Variants in MIDEAS observed in about 807,000 individuals in gnomAD.
MIDEAS encodes mitotic deacetylase-associated SANT domain protein.
In MIDEAS, 26 loss-of-function variants were observed where a neutral mutation model predicts 102.7. That is an observed-to-expected ratio of 0.25 (90% confidence interval 0.19 to 0.35). The LOEUF is 0.35. MIDEAS is among the 10% of genes least tolerant of loss of function. MIDEAS has a pLI of 1.00. For synonymous variants in MIDEAS, 585 were observed against 591.0 expected (o/e 0.99, Z 0.15); for missense variants, 1,231 against 1,435.6 (o/e 0.86, Z 2.30).
chr14:73,786,631 C>T (rs2053812237), intron 1 of MIDEAS, among the ~76,000 whole-genome samples: 1 of 152,350 alleles, frequency 6.6e-6, no homozygotes, highest in African/African-American at 2.4e-5. Context: ...CTCTTCGTCC[C>T]AGGAAGGCCA....
upstream of MIDEAS, among the ~76,000 whole-genome samples, chr14:73,764,339 C>CAAAAAA (rs5809629): frequency 1.4e-4 from 12 of 88,220 alleles, no homozygotes; most frequent in Non-Finnish European, 1.8e-4. Flanking sequence ...GACCCTGTCT[C>CAAAAAA]AAAAAAAAAA....
Position 73,739,074 on chromosome 14 carries a change from G to A in MIDEAS, c.935C>T (p.Pro312Leu), listed in dbSNP as rs1375038240. 6 of 1,577,326 alleles carry A rather than the reference G, an allele frequency of 3.8e-6. No individual in the cohort carries two copies. Among genetic ancestry groups the A allele is most frequent in the Non-Finnish European group, 5.2e-6 (6 of 1,158,714 alleles). Reference protein sequence around the residue: ...AHHSMAPYPFPPNPDMNPELR... With the variant: ...AHHSMAPYPFLPNPDMNPELR... ...TTCTGGGTTCATATCTGGGTTGGGG[G>A]GGAAGGGGTAGGGTGCCATGCTGTG... The change falls in exon 2 of 13, where the codon CCC becomes CTC. Residue 312 changes from proline (P) to leucine (L), a missense_variant. Pro to Leu is a moderately conservative substitution (Grantham distance 98). Coordinates refer to ENST00000423556, the MANE Select transcript of MIDEAS (RefSeq NM_001367710.1).
At position 73,722,737 on chromosome 14, in the gene MIDEAS, A is replaced by G. The variant is rs748613792; in HGVS notation, c.2685T>C (p.Asp895=). The G allele has an allele frequency of 1.2e-6, 2 of 1,614,162 alleles. No homozygotes were observed. Among genetic ancestry groups the G allele is most frequent in the Non-Finnish European group, 1.7e-6 (2 of 1,180,008 alleles). Residue 895 remains aspartate, a synonymous_variant, in exon 10 of 13, where the codon GAT becomes GAC. Coordinates refer to ENST00000423556, the MANE Select transcript of MIDEAS (RefSeq NM_001367710.1). ...CAACCTCTTCCTGGGCCGACTTCTC[A>G]TCGCTCGTATCCACATCCCCAAAGG... ...TLTFGDVDTS[D]EKSAQEEVEV...
intron 7 of MIDEAS, 56 bp from the exon 8 acceptor site, chr14:73,726,164 G>A (rs948666277): frequency 7.2e-6 from 10 of 1,397,058 alleles, no homozygotes; most frequent in East Asian, 2.4e-5. Flanking sequence ...GGTGGTGGAC[G>A]GAGCATTCTA....
chr14:73,745,934 C>A (rs569146304), intron 1 of MIDEAS, among the ~76,000 whole-genome samples: 1 of 152,326 alleles, frequency 6.6e-6, no homozygotes, highest in South Asian at 2.1e-4. Flanking sequence ...CTTCTCTGGA[C>A]TGAACTTCAG....
Position 73,718,853 on chromosome 14 carries a change from T to C in MIDEAS, c.3290A>G (p.Asp1097Gly). Residue 1097 changes from aspartate (D) to glycine (G), a missense_variant, in exon 13 of 13, where the codon GAC (aspartate) becomes GGC (glycine). Physicochemically the swap from Asp to Gly is moderately conservative, Grantham distance 94. This residue lies in a region of MIDEAS where 71 missense variants were observed against 51.9 expected (regional missense o/e 1.37). Transcript: ENST00000423556. ...GCCTGGCTCCCGCGCTCAGCCCTTG[T>C]CGCCCGCACCGCTCTCCTCCCGCAG... ...QALREESGAG[D>G]KG 6.8e-7 allele frequency: 1 copy of C among 1,477,964 alleles called. No individual in the cohort carries two copies. The highest frequency in any genetic ancestry group is 1.3e-5 in the South Asian group (1 of 75,912). The allele number at this position is 1,477,964 out of a possible 1,614,324, so 91.6% of individuals were successfully genotyped here.
At chr14:73,735,468 G>A (rs1256221182) in intron 3 of MIDEAS, among the ~76,000 whole-genome samples, 1 of 151,646 alleles carries the variant, frequency 6.6e-6, no homozygotes, top group Non-Finnish European at 1.5e-5. Context: ...TTCCCAAAGT[G>A]CTGGGATTAC....
chr14:73,765,832 G>T (rs1595293082), intron 1 of MIDEAS, among the ~76,000 whole-genome samples: 1 of 152,162 alleles, frequency 6.6e-6, no homozygotes, highest in East Asian at 1.9e-4. Context: ...AGTAGAGGAA[G>T]GACACTGGAG....
chr14:73,747,168 C>G (rs1397437132), intron 1 of MIDEAS, among the ~76,000 whole-genome samples: 1 of 152,192 alleles, frequency 6.6e-6, no homozygotes, highest in African/African-American at 2.4e-5. Flanking sequence ...TCTTATACCA[C>G]TATCCAATAA....
chr14:73,769,461 C>A (rs2053622654), intron 1 of MIDEAS, among the ~76,000 whole-genome samples: 1 of 152,216 alleles, frequency 6.6e-6, no homozygotes, highest in Non-Finnish European at 1.5e-5. Context: ...CCCGCCCCAA[C>A]ATGAAAATAA....
At chr14:73,745,747 T>C (rs1287374009) in intron 1 of MIDEAS, among the ~76,000 whole-genome samples, 3 of 152,208 alleles carry the variant, frequency 2.0e-5, no homozygotes, top group Admixed American at 2.0e-4. Flanking sequence ...GTACCCCATT[T>C]CTGCAAGCCA....
chr14:73,769,915 T>G lies in MIDEAS; in HGVS notation c.-248+17187A>C, dbSNP rs901257372. 3.4e-4 allele frequency among the ~76,000 whole-genome samples: 29 copies of G among 84,442 alleles called. No homozygotes were observed. The East Asian group carries it at 0.011, about 31-fold the overall frequency. The allele number at this position is 84,442 out of a possible 152,430, so 55.4% of individuals were successfully genotyped here. A position where few individuals can be genotyped will look rare whatever the true frequency, so the allele number is the denominator to read the frequency against. On this transcript the variant is annotated intron_variant, in intron 1 of 11. Coordinates refer to the MIDEAS transcript ENST00000394071. ...GTGCCCGGCTGGGTTTTTTTTTTTG[T>G]TTTTTTTTTTTAATTTTTGCGGGTA...
intron 9 of MIDEAS, chr14:73,723,412 A>G (rs996050291): frequency 5.9e-5 from 9 of 152,310 alleles, no homozygotes; most frequent in African/African-American, 2.2e-4. Context: ...TCTGCCTCCC[A>G]AAGTGCTGGA....
chr14:73,769,902 GTT>G (rs796246766), intron 1 of MIDEAS, among the ~76,000 whole-genome samples: 2 of 109,806 alleles, frequency 1.8e-5, no homozygotes, highest in Admixed American at 9.4e-5. Context: ...GCCCGGCTGG[GTT>G]TTTTTTTTTG....
chr14:73,730,236 T>C, intron 3 of MIDEAS: 1 of 666,016 alleles, frequency 1.5e-6, no homozygotes, highest in East Asian at 2.8e-5. Context: ...GTGATCTCTG[T>C]TACATATTCC....
In MIDEAS at chr14:73,718,815, C is replaced by T; in HGVS notation, c.*28G>A. 1 of 1,399,126 alleles carries T rather than the reference C, an allele frequency of 7.1e-7. No individual in the cohort carries two copies. Among genetic ancestry groups the T allele is most frequent in the Non-Finnish European group, 9.2e-7 (1 of 1,085,408 alleles). The allele number at this position is 1,399,126 out of a possible 1,614,324, so 86.7% of individuals were successfully genotyped here. A position where few individuals can be genotyped will look rare whatever the true frequency, so the allele number is the denominator to read the frequency against. ...CGGCGGTGCGGGAAGGGCCGAGGCCCAGGACTGGGCCAGCCTGGCTCCCGC... is the reference window on the plus strand; with the variant it reads ...CGGCGGTGCGGGAAGGGCCGAGGCCTAGGACTGGGCCAGCCTGGCTCCCGC... On this transcript the variant is annotated 3_prime_UTR_variant, in exon 13 of 13. Transcript: ENST00000423556.
intron 3 of MIDEAS, 77 bp from the exon 4 acceptor site, chr14:73,730,062 A>G: frequency 6.9e-7 from 1 of 1,449,498 alleles, no homozygotes; most frequent in Non-Finnish European, 9.5e-7. Flanking sequence ...ACAGCTTGCC[A>G]GTCTCACCTT....
chr14:73,742,545 G>A lies in MIDEAS; in HGVS notation c.-247-2290C>T, dbSNP rs1486741745. ...GTATGGTCAGCCCTGGAGGAGCTGA[G>A]CTCAGCTGGGAAGCCTCCCACTCCC... On this transcript the variant is annotated intron_variant, in intron 1 of 12. Coordinates refer to ENST00000423556, the MANE Select transcript of MIDEAS (RefSeq NM_001367710.1). This position sits in a 1 kb window ranked among gnomAD's most constrained non-coding sequence, Gnocchi z 4.4. 6.6e-6 allele frequency among the ~76,000 whole-genome samples: 1 copy of A among 152,216 alleles called. No homozygotes were observed. Among genetic ancestry groups the A allele is most frequent in the Non-Finnish European group, 1.5e-5 (1 of 68,038 alleles).
rs1478223434 is a variant in MIDEAS at position 73,717,154 on chromosome 14, T to C, written c.*1689A>G. 2 of 152,276 alleles carry C rather than the reference T, an allele frequency of 1.3e-5. No individual in the cohort carries two copies. The highest frequency in any genetic ancestry group is 2.9e-5 in the Non-Finnish European group (2 of 68,066). The allele number at this position is 152,276 out of a possible 1,614,324, so 9.4% of individuals were successfully genotyped here. ...AACAAAACTCCCTCTCCACTCCCAGTTACTGACATGATGCTTCTTGGCTAT... is the reference window on the plus strand; with the variant it reads ...AACAAAACTCCCTCTCCACTCCCAGCTACTGACATGATGCTTCTTGGCTAT... On this transcript the variant is annotated 3_prime_UTR_variant, in exon 13 of 13. Transcript: ENST00000423556.
Sources: allele counts gnomAD v4.1 joint callset (sites outside exome capture counted in the v4.1 genomes callset), GRCh38; gene constraint gnomAD v4.1.1; regional missense constraint gnomAD v4.1.1; non-coding constraint Gnocchi (gnomAD v3.1); transcripts MANE v1.5; gene names NCBI Gene and HGNC (gene_info 2026-07-23, HGNC 2026-07-21).